Variants in GLCE observed in about 807,000 individuals in gnomAD.
The protein encoded by GLCE is D-glucuronyl C5-epimerase.
Under a neutral mutation model 47.9 loss-of-function variants are expected in GLCE, and 19 were observed. The ratio of observed to expected loss-of-function variants is 0.40; its 90% CI spans 0.28 to 0.58. GLCE has a LOEUF of 0.58. GLCE is among the 20% of genes least tolerant of loss of function. The probability of loss-of-function intolerance (pLI) is 0.48; values close to 1 mark genes in which losing one functional copy is unlikely to be tolerated. For synonymous variants in GLCE, 245 were observed against 263.4 expected (o/e 0.93, Z 0.68); for missense variants, 556 against 743.3 (o/e 0.75, Z 2.93).
In GLCE at chr15:69,255,525, A is replaced by T. The variant is rs112611628; in HGVS notation, c.-13-269A>T. Among the ~76,000 whole-genome samples the T allele has an allele frequency of 1.4e-3, 213 of 152,232 alleles. 1 individual carries two copies. Among genetic ancestry groups the T allele is most frequent in the African/African-American group, 5.0e-3 (209 of 41,534 alleles). On this transcript the variant is annotated intron_variant, in intron 2 of 4. Transcript: ENST00000261858. ...TTTGGCCTAGGGGGCATTGTGAAAA[A>T]TTACTGAGATACCAAGGGAGCCACA...
chr15:69,268,778 A>G lies in GLCE; in HGVS notation c.1388A>G (p.Asp463Gly). Reference sequence around the variant, plus strand: ...GTCAGGGCCTATCTGTTAACAAAAGACCATATATTCCTCAATTCAGCTTTA... The same window carrying G: ...GTCAGGGCCTATCTGTTAACAAAAGGCCATATATTCCTCAATTCAGCTTTA... ...TLVRAYLLTK[D>G]HIFLNSALRA... is the part of the protein sequence containing the mutation. The change falls in exon 5 of 5, where the codon GAC becomes GGC. Residue 463 changes from aspartate (D) to glycine (G), a missense_variant. This residue lies in a region of GLCE where 245 missense variants were observed against 368.1 expected (regional missense o/e 0.67). Transcript: ENST00000261858. 2.5e-6 allele frequency: 4 copies of G among 1,614,122 alleles called. No homozygotes were observed. Among genetic ancestry groups the G allele is most frequent in the Non-Finnish European group, 3.4e-6 (4 of 1,179,958 alleles).
chr15:69,182,269 T>TTGTTTG (rs1555403256), intron 1 of GLCE, among the ~76,000 whole-genome samples: 11 of 144,820 alleles, frequency 7.6e-5, no homozygotes, highest in African/African-American at 2.8e-4. Context: ...CATCGTGTAT[T>TTGTTTG]TGTGTGTGTG....
intron 2 of GLCE, among the ~76,000 whole-genome samples, chr15:69,236,797 AG>A (rs978007125): frequency 2.0e-5 from 3 of 152,212 alleles, no homozygotes; most frequent in African/African-American, 7.2e-5. Flanking sequence ...AAGAAAAGCT[AG>A]TAAGTGATTG....
rs746840246 is a variant in GLCE at position 69,268,289 on chromosome 15, T to A, written c.899T>A (p.Phe300Tyr). 1.2e-6 allele frequency: 2 copies of A among 1,612,760 alleles called. No homozygotes were observed. The highest frequency in any genetic ancestry group is 4.5e-5 in the East Asian group (2 of 44,878). The change falls in exon 5 of 5, where the codon TTC becomes TAC. Residue 300 changes from phenylalanine to tyrosine, a missense_variant. Physicochemically the swap from Phe to Tyr is conservative, Grantham distance 22 (BLOSUM62 3). This residue lies in a region of GLCE where 74 missense variants were observed against 64.4 expected (regional missense o/e 1.15). Transcript: ENST00000261858. ...KDFIISFDLK[F>Y]LTNGSVSVVL... is the part of the protein sequence containing the mutation. ...TTTATTATTTCATTTGACCTCAAGT[T>A]CTTGACAAATGGAAGTGTGTCCGTG...
At position 69,269,340 on chromosome 15, in the gene GLCE, C is replaced by A; in HGVS notation, c.*96C>A. On this transcript the variant is annotated 3_prime_UTR_variant, in exon 5 of 5. Coordinates refer to ENST00000261858, the MANE Select transcript of GLCE (RefSeq NM_015554.3). Reference sequence around the variant, plus strand: ...TAGGCACATTTTAAAAGGTTATGTACTAGGTTTTTGTGGATTCTATCAAAG... The same window carrying A: ...TAGGCACATTTTAAAAGGTTATGTAATAGGTTTTTGTGGATTCTATCAAAG... 2.0e-6 allele frequency: 2 copies of A among 980,572 alleles called. No homozygotes were observed. The highest frequency in any genetic ancestry group is 3.1e-6 in the Non-Finnish European group (2 of 654,254). 60.7% of individuals were successfully genotyped at this position (980,572 alleles called of 1,614,324 possible).
chr15:69,229,806 TG>T (rs1185553008), intron 2 of GLCE, among the ~76,000 whole-genome samples: 4 of 151,986 alleles, frequency 2.6e-5, no homozygotes, highest in African/African-American at 9.7e-5. Context: ...TAAATGTAAA[TG>T]GTCTAAATAC....
chr15:69,165,260 T>C (rs1427780143), intron 1 of GLCE, among the ~76,000 whole-genome samples: 2 of 152,188 alleles, frequency 1.3e-5, no homozygotes, highest in African/African-American at 2.4e-5. Context: ...TTAAAGCCCA[T>C]ACTTTATCAG....
chr15:69,230,521 T>G (rs2052508370), intron 2 of GLCE, among the ~76,000 whole-genome samples: 1 of 152,210 alleles, frequency 6.6e-6, no homozygotes. Context: ...TTGATTCAGT[T>G]GAACTGTAGT....
chr15:69,197,367 C>T lies in GLCE; in HGVS notation c.-104-12949C>T, dbSNP rs1363701038. ...TCGAATCCCAGATCACACATTTTTA[C>T]ACTACAGGAATAAATAAACTTATTT... On this transcript the variant is annotated intron_variant, in intron 1 of 4. Coordinates refer to ENST00000261858, the MANE Select transcript of GLCE (RefSeq NM_015554.3). 2.5e-5 allele frequency: 6 copies of T among 240,904 alleles called. No homozygotes were observed. In the Admixed American group the frequency reaches 2.7e-4, roughly 11 times the overall value. 14.9% of individuals were successfully genotyped at this position (240,904 alleles called of 1,614,324 possible). A position where few individuals can be genotyped will look rare whatever the true frequency, so the allele number is the denominator to read the frequency against.
At chr15:69,210,589 C>G (rs1407056305) in intron 2 of GLCE, among the ~76,000 whole-genome samples, 183 bp downstream of exon 2, 5 of 152,050 alleles carry the variant, frequency 3.3e-5, no homozygotes, top group Non-Finnish European at 5.9e-5. Context: ...ATTTCCCAGT[C>G]TAATCTGAGA....
At chr15:69,264,221 T>TG (rs2140453098) in intron 4 of GLCE, among the ~76,000 whole-genome samples, 1 of 151,288 alleles carries the variant, frequency 6.6e-6, no homozygotes, top group South Asian at 2.1e-4. Context: ...TTCAGTTGTT[T>TG]GGAGGTCCAC....
chr15:69,253,614 A>G (rs2052880194), intron 2 of GLCE, among the ~76,000 whole-genome samples: 1 of 152,236 alleles, frequency 6.6e-6, no homozygotes, highest in Admixed American at 6.5e-5. Flanking sequence ...AAAGAAGAAT[A>G]AATCATCTAA....
chr15:69,183,373 A>G (rs1475265442), intron 1 of GLCE, among the ~76,000 whole-genome samples: 1 of 152,210 alleles, frequency 6.6e-6, no homozygotes, highest in African/African-American at 2.4e-5. Flanking sequence ...ATTGTCTGGA[A>G]TGGGCAACTA....
At chr15:69,182,407 G>T (rs1220697078) in intron 1 of GLCE, among the ~76,000 whole-genome samples, 3 of 150,620 alleles carry the variant, frequency 2.0e-5, no homozygotes, top group African/African-American at 7.3e-5. Context: ...GAGAGAGAGA[G>T]TCCATCCAGC....
chr15:69,257,223 C>T (rs919972335), intron 3 of GLCE, among the ~76,000 whole-genome samples: 24 of 152,186 alleles, frequency 1.6e-4, no homozygotes, highest in African/African-American at 5.6e-4. Flanking sequence ...TTATAGCCCA[C>T]TCATGTCTGT....
intron 3 of GLCE, among the ~76,000 whole-genome samples, chr15:69,260,229 T>G (rs1313290777): frequency 1.3e-5 from 2 of 151,654 alleles, no homozygotes; most frequent in Non-Finnish European, 2.9e-5. Context: ...GTGTTTATAT[T>G]TTAAATTGCC....
At chr15:69,254,681 G>A (rs540185447) in intron 2 of GLCE, among the ~76,000 whole-genome samples, 17 of 152,264 alleles carry the variant, frequency 1.1e-4, no homozygotes, top group Admixed American at 7.2e-4. Context: ...CTGAGCAGTA[G>A]GAAGGGTGGA....
At chr15:69,242,362 G>C (rs1407055456) in intron 2 of GLCE, among the ~76,000 whole-genome samples, 1 of 151,654 alleles carries the variant, frequency 6.6e-6, no homozygotes, top group African/African-American at 2.4e-5. Flanking sequence ...CTTGTTTTCT[G>C]TATGTTCAAG....
intron 1 of GLCE, among the ~76,000 whole-genome samples, chr15:69,187,926 T>C (rs1360599972): frequency 6.6e-6 from 1 of 152,030 alleles, no homozygotes; most frequent in Non-Finnish European, 1.5e-5. Flanking sequence ...TAGCCAGGCA[T>C]GGTGGCACGC....
Sources: gnomAD v4.1 joint callset for allele counts (sites outside exome capture counted in the v4.1 genomes callset) on GRCh38, gnomAD v4.1.1 for gene constraint, gnomAD v4.1.1 regional missense constraint, MANE v1.5 for transcripts, NCBI Gene and HGNC (gene_info 2026-07-23, HGNC 2026-07-21) for gene names.